SLC25A40: variants seen among roughly 807,000 people sequenced by gnomAD.
The protein encoded by SLC25A40 is solute carrier family 25 member 40, also known as mitochondrial glutathione transporter SLC25A40.
In SLC25A40, 41 loss-of-function variants were observed where a neutral mutation model predicts 46.5. The observed-to-expected ratio is 0.88, with a 90% confidence interval of 0.69 to 1.14. SLC25A40 has a LOEUF of 1.14. Ranked by LOEUF, SLC25A40 falls within the 50% of genes most tolerant of loss-of-function variation. SLC25A40 has a pLI of 0.00. For synonymous variants in SLC25A40, 126 were observed against 127.5 expected, an observed-to-expected ratio of 0.99 and a Z score of 0.08; for missense variants, 386 against 393.6, an observed-to-expected ratio of 0.98 and a Z score of 0.16.
At chr7:87,869,606 G>A (rs1446170441) in intron 1 of SLC25A40, among the ~76,000 whole-genome samples, 1 of 148,840 alleles carries the variant, frequency 6.7e-6, no homozygotes, top group Non-Finnish European at 1.5e-5. Flanking sequence ...CTTTTTTTCT[G>A]GTTTCCTTTA....
chr7:87,845,907 T>C (rs976081217), intron 8 of SLC25A40, among the ~76,000 whole-genome samples: 1 of 152,106 alleles, frequency 6.6e-6, no homozygotes, highest in Non-Finnish European at 1.5e-5. Context: ...ATGTAGATCA[T>C]ACAATCACTT....
intron 1 of SLC25A40, among the ~76,000 whole-genome samples, chr7:87,870,068 A>G (rs1271037089): frequency 2.0e-5 from 3 of 152,064 alleles, no homozygotes; most frequent in East Asian, 3.9e-4. Flanking sequence ...ATGCATAACA[A>G]TTATATCTTC....
rs576012650 is a variant in SLC25A40, at chr7:87,843,683, T to C, written c.741+71A>G. On this transcript the variant is annotated intron_variant, in intron 9 of 11. Coordinates refer to ENST00000341119, the MANE Select transcript of SLC25A40 (RefSeq NM_018843.4). ...AAAGTGGATCTCAATATACATGAGA[T>C]GCTATATTTTGTTTTGTTTTAATAC... 235 of 1,112,344 alleles carry C rather than the reference T, an allele frequency of 2.1e-4. 4 individuals are homozygous for C. The South Asian group carries it at 2.3e-3, about 11-fold the overall frequency. The allele number at this position is 1,112,344 out of a possible 1,614,324, so 68.9% of individuals were successfully genotyped here.
chr7:87,866,638 C>T (rs765132999), intron 1 of SLC25A40, among the ~76,000 whole-genome samples: 1 of 152,158 alleles, frequency 6.6e-6, no homozygotes, highest in Non-Finnish European at 1.5e-5. Context: ...GCCCTGAGAG[C>T]ATAACCGCTC....
At chr7:87,837,853 G>T (rs552945797) in intron 10 of SLC25A40, among the ~76,000 whole-genome samples, 1 of 151,358 alleles carries the variant, frequency 6.6e-6, no homozygotes, top group Non-Finnish European at 1.5e-5. Flanking sequence ...TAGCTTTTTA[G>T]AGTGGCTACT....
At chr7:87,860,338 T>C (rs1838678323) in intron 2 of SLC25A40, among the ~76,000 whole-genome samples, 1 of 152,184 alleles carries the variant, frequency 6.6e-6, no homozygotes, top group Admixed American at 6.5e-5. Context: ...TCAAATTACA[T>C]ATAATTTTTT....
At chr7:87,860,462 G>A (rs1838679789) in intron 2 of SLC25A40, 110 bp downstream of exon 2, 1 of 151,926 alleles carries the variant, frequency 6.6e-6, no homozygotes, top group South Asian at 2.1e-4. Flanking sequence ...ACTTAATTTT[G>A]AACCGTACTC....
At chr7:87,865,201 T>C (rs1420677869) in intron 1 of SLC25A40, among the ~76,000 whole-genome samples, 1 of 152,150 alleles carries the variant, frequency 6.6e-6, no homozygotes, top group Non-Finnish European at 1.5e-5. Context: ...GTGGTTGGCA[T>C]GAATTTTAAA....
Position 87,875,410 on chromosome 7 carries a change from G to A in SLC25A40, c.-94+686C>T, listed in dbSNP as rs145482667. ...TGTCTATTCTTTAAGGTACCTACCT[G>A]CAAAACCGTAACGCTGATACTCTGA... On this transcript the variant is annotated intron_variant, in intron 1 of 11. Coordinates refer to ENST00000341119, the MANE Select transcript of SLC25A40 (RefSeq NM_018843.4). 1.2e-3 allele frequency among the ~76,000 whole-genome samples: 185 copies of A among 152,212 alleles called. 2 individuals carry two copies. Among genetic ancestry groups the A allele is most frequent in the South Asian group, 0.011 (52 of 4,822 alleles).
At chr7:87,874,289 C>A (rs368535933) in intron 1 of SLC25A40, among the ~76,000 whole-genome samples, 15 of 152,182 alleles carry the variant, frequency 9.9e-5, no homozygotes, top group African/African-American at 3.6e-4. Flanking sequence ...ACACACAATT[C>A]ATCTTTCACA....
At chr7:87,874,578 G>A (rs1838949212) in intron 1 of SLC25A40, among the ~76,000 whole-genome samples, 1 of 152,120 alleles carries the variant, frequency 6.6e-6, no homozygotes, top group African/African-American at 2.4e-5. Flanking sequence ...TATTTTTCAA[G>A]TCTTAACCTT....
At chr7:87,868,348 T>C (rs955348275) in intron 1 of SLC25A40, among the ~76,000 whole-genome samples, 5 of 152,222 alleles carry the variant, frequency 3.3e-5, no homozygotes, top group Non-Finnish European at 7.3e-5. Context: ...GACCAAATGT[T>C]TGGGGGTGAG....
intron 1 of SLC25A40, among the ~76,000 whole-genome samples, chr7:87,870,563 T>C (rs1387095577): frequency 6.6e-6 from 1 of 152,142 alleles, no homozygotes; most frequent in Non-Finnish European, 1.5e-5. Flanking sequence ...CCCACTTGAA[T>C]GTTGCCTTTT....
chr7:87,874,284 C>T (rs1361909714), intron 1 of SLC25A40, among the ~76,000 whole-genome samples: 1 of 152,168 alleles, frequency 6.6e-6, no homozygotes, highest in Non-Finnish European at 1.5e-5. Context: ...ATAAGACACA[C>T]AATTCATCTT....
chr7:87,861,342 G>T (rs1443346383), intron 1 of SLC25A40, among the ~76,000 whole-genome samples: 1 of 152,078 alleles, frequency 6.6e-6, no homozygotes, highest in Non-Finnish European at 1.5e-5. Flanking sequence ...CCATGGTCTG[G>T]TATTAGATAA....
intron 8 of SLC25A40, among the ~76,000 whole-genome samples, chr7:87,844,538 T>C (rs887544855): frequency 6.6e-6 from 1 of 152,130 alleles, no homozygotes; most frequent in African/African-American, 2.4e-5. Flanking sequence ...ATTGTCACTA[T>C]AATTCAAAAA....
At chr7:87,869,210 C>T (rs1168648374) in intron 1 of SLC25A40, among the ~76,000 whole-genome samples, 1 of 152,102 alleles carries the variant, frequency 6.6e-6, no homozygotes, top group South Asian at 2.1e-4. Context: ...CTTGCTTCTA[C>T]ACCACCATTT....
At chr7:87,862,098 C>A (rs956070508) in intron 1 of SLC25A40, among the ~76,000 whole-genome samples, 8 of 152,034 alleles carry the variant, frequency 5.3e-5, no homozygotes, top group African/African-American at 1.9e-4. Flanking sequence ...CAGTGAACTG[C>A]CTAGAACTCA....
chr7:87,874,051 C>T (rs1045618423), intron 1 of SLC25A40, among the ~76,000 whole-genome samples: 1 of 152,206 alleles, frequency 6.6e-6, no homozygotes, highest in African/African-American at 2.4e-5. Context: ...AGGTTTCTAT[C>T]CTTACTGACT....
Sources: gnomAD v4.1 joint callset for allele counts (sites outside exome capture counted in the v4.1 genomes callset) on GRCh38, gnomAD v4.1.1 for gene constraint, MANE v1.5 for transcripts, NCBI Gene and HGNC (gene_info 2026-07-23, HGNC 2026-07-21) for gene names.